C10orf143: variants seen among roughly 807,000 people sequenced by gnomAD.
The protein encoded by C10orf143 is uncharacterized protein C10orf143.
At chr10:130,102,148 A>T (rs1171733) in intron 1 of C10orf143, among the ~76,000 whole-genome samples, 96,490 of 152,048 alleles carry the variant, frequency 0.63, 30,892 homozygotes, top group Admixed American at 0.72. Flanking sequence ...CATGTGCCTG[A>T]AGTCCCAGCT....
intron 3 of C10orf143, among the ~76,000 whole-genome samples, chr10:130,078,628 A>G (rs1375545608): frequency 6.6e-6 from 1 of 152,228 alleles, no homozygotes; most frequent in African/African-American, 2.4e-5. Context: ...CTATTTGTCT[A>G]AGGACTTCAG....
At chr10:130,091,276 A>G (rs1453235641) in intron 1 of C10orf143, among the ~76,000 whole-genome samples, 1 of 152,188 alleles carries the variant, frequency 6.6e-6, no homozygotes, top group African/African-American at 2.4e-5. Flanking sequence ...ACCCAGACAA[A>G]CAGGGTCTGG....
chr10:130,067,221 T>A (rs1286982420), intron 3 of C10orf143: 1 of 151,974 alleles, frequency 6.6e-6, no homozygotes, highest in Non-Finnish European at 1.5e-5. Context: ...CCTCAAAACG[T>A]CCCCCTTTCC....
At chr10:130,078,363 G>T (rs1008813201) in intron 3 of C10orf143, among the ~76,000 whole-genome samples, 1 of 152,136 alleles carries the variant, frequency 6.6e-6, no homozygotes, top group African/African-American at 2.4e-5. Context: ...TCAGTCATCG[G>T]CAAACAAGGA....
At chr10:130,110,502 G>A (rs541770120) in intron 1 of C10orf143, among the ~76,000 whole-genome samples, 3 of 152,380 alleles carry the variant, frequency 2.0e-5, no homozygotes, top group South Asian at 2.1e-4. Context: ...GCGCGAAACC[G>A]GGAGAGCGGC....
intron 3 of C10orf143, among the ~76,000 whole-genome samples, chr10:130,042,477 GACAATT>G (rs1170881347): frequency 6.6e-5 from 10 of 152,214 alleles, no homozygotes; most frequent in Non-Finnish European, 1.3e-4. Flanking sequence ...CTCAGTCCTG[GACAATT>G]AGCTGGCGTG....
rs908058144 is a variant in C10orf143, at chr10:130,064,285, T to C, written c.*69A>G. 2.5e-6 allele frequency: 1 copy of C among 398,244 alleles called. No homozygotes were observed. Among genetic ancestry groups the C allele is most frequent in the East Asian group, 3.6e-5 (1 of 28,066 alleles). 24.7% of individuals were successfully genotyped at this position (398,244 alleles called of 1,614,324 possible). ...AGTCCCCAAACCCATCTGTAGGAGA[T>C]TCACATTTGCTGCAACATGAAGGGT... On this transcript the variant is annotated 3_prime_UTR_variant, in exon 4 of 4. Coordinates refer to ENST00000637128, the MANE Select transcript of C10orf143 (RefSeq NM_001355042.2).
Position 130,076,091 on chromosome 10 carries a change from C to T in C10orf143, c.297+3475G>A, listed in dbSNP as rs1374358141. Among the ~76,000 whole-genome samples, 5 of 151,064 alleles carry T rather than the reference C, an allele frequency of 3.3e-5. No individual in the cohort carries two copies. The East Asian group carries it at 9.7e-4, about 29-fold the overall frequency. ...GCAACCTCCACCTCCCAGGTTCAAGCGATTTTCCTGCCTCATTCTCCCAAG... is the reference window on the plus strand; with the variant it reads ...GCAACCTCCACCTCCCAGGTTCAAGTGATTTTCCTGCCTCATTCTCCCAAG... On this transcript the variant is annotated intron_variant, in intron 3 of 3. Coordinates refer to ENST00000637128, the MANE Select transcript of C10orf143 (RefSeq NM_001355042.2).
intron 1 of C10orf143, among the ~76,000 whole-genome samples, chr10:130,098,401 G>C (rs1284911559): frequency 6.6e-6 from 1 of 152,194 alleles, no homozygotes; most frequent in Admixed American, 6.5e-5. Context: ...TAAAAAGATA[G>C]TAGCTATGTG....
intron 1 of C10orf143, among the ~76,000 whole-genome samples, chr10:130,092,153 G>A (rs1168535147): frequency 6.6e-6 from 1 of 152,116 alleles, no homozygotes; most frequent in Non-Finnish European, 1.5e-5. Context: ...AAATGTTAAG[G>A]GCAGCCAGAG....
At chr10:130,101,090 G>T (rs533003775) in intron 1 of C10orf143, 1 of 151,726 alleles carries the variant, frequency 6.6e-6, no homozygotes, top group East Asian at 1.9e-4. Flanking sequence ...GTGGTGGAGC[G>T]CACCTGTAAT....
At chr10:130,046,585 A>T (rs1442396624) in intron 3 of C10orf143, among the ~76,000 whole-genome samples, 1 of 152,244 alleles carries the variant, frequency 6.6e-6, no homozygotes, top group African/African-American at 2.4e-5. Flanking sequence ...TAATTTTTAC[A>T]TTTTAATCAA....
intron 1 of C10orf143, among the ~76,000 whole-genome samples, chr10:130,087,443 G>A (rs1187736215): frequency 2.6e-5 from 4 of 152,186 alleles, no homozygotes; most frequent in Admixed American, 6.5e-5. Flanking sequence ...AGGTGAAGCA[G>A]GAGCGTGGCC....
chr10:130,043,773 C>T (rs1225517735), intron 3 of C10orf143, among the ~76,000 whole-genome samples: 1 of 152,244 alleles, frequency 6.6e-6, no homozygotes. Context: ...TTATGCCCTG[C>T]CTTGGCATAA....
At chr10:130,083,989 A>G (rs568334304) in intron 1 of C10orf143, among the ~76,000 whole-genome samples, 1 of 152,316 alleles carries the variant, frequency 6.6e-6, no homozygotes, top group South Asian at 2.1e-4. Flanking sequence ...AGCCACACTG[A>G]AAAGAACTAC....
At chr10:130,040,541 C>T (rs1039752225) in intron 3 of C10orf143, among the ~76,000 whole-genome samples, 3 of 152,232 alleles carry the variant, frequency 2.0e-5, no homozygotes, top group African/African-American at 7.2e-5. Flanking sequence ...GACAGTGAAG[C>T]GCCTTATTCA....
At chr10:130,090,957 G>C (rs1861372026) in intron 1 of C10orf143, among the ~76,000 whole-genome samples, 1 of 152,208 alleles carries the variant, frequency 6.6e-6, no homozygotes, top group Non-Finnish European at 1.5e-5. Flanking sequence ...CCCTGGGGCA[G>C]AGCATCTAGG....
At chr10:130,096,936 AAT>A (rs913865493) in intron 1 of C10orf143, among the ~76,000 whole-genome samples, 1 of 150,200 alleles carries the variant, frequency 6.7e-6, no homozygotes, top group Non-Finnish European at 1.5e-5. Flanking sequence ...GTATCCAGAA[AAT>A]ATATATATAT....
chr10:130,055,488 T>C (rs746275745), intron 3 of C10orf143, among the ~76,000 whole-genome samples: 2 of 152,240 alleles, frequency 1.3e-5, no homozygotes, highest in Non-Finnish European at 2.9e-5. Flanking sequence ...TGGGTCATTT[T>C]CGATCATCAA....
Sources: allele counts gnomAD v4.1 joint callset (sites outside exome capture counted in the v4.1 genomes callset), GRCh38; gene constraint gnomAD v4.1.1; transcripts MANE v1.5; gene names NCBI Gene and HGNC (gene_info 2026-07-23, HGNC 2026-07-21).